Variants in FGF14 observed in about 807,000 individuals in gnomAD.
FGF14 encodes fibroblast growth factor homologous factor 4.
FGF14 carries 5 observed loss-of-function variants against 25.5 expected under a neutral mutation model. The observed-to-expected ratio is 0.20, with a 90% confidence interval of 0.10 to 0.41. The LOEUF (loss-of-function observed/expected upper bound fraction) is 0.41. Ranked by LOEUF, FGF14 falls within the 10% of genes least tolerant of loss-of-function variation. FGF14 has a pLI of 1.00. For missense variants in FGF14, 222 were observed against 320.1 expected (o/e 0.69, Z 2.34); for synonymous variants, 138 against 118.3 (o/e 1.17, Z -1.08).
chr13:102,323,967 G>T (rs927950114), intron 1 of FGF14, among the ~76,000 whole-genome samples: 1 of 138,122 alleles, frequency 7.2e-6, no homozygotes, highest in Non-Finnish European at 1.6e-5. Flanking sequence ...ATGTGTGTGT[G>T]TGTGTGTGTG....
At chr13:102,240,495 A>G (rs1288646484) in intron 1 of FGF14, among the ~76,000 whole-genome samples, 3 of 152,118 alleles carry the variant, frequency 2.0e-5, no homozygotes, top group African/African-American at 7.2e-5. Context: ...AAAATAATAG[A>G]CCAATTTTCT....
At chr13:102,380,134 TA>T (rs1227176061) in intron 1 of FGF14, among the ~76,000 whole-genome samples, 1 of 151,574 alleles carries the variant, frequency 6.6e-6, no homozygotes, top group African/African-American at 2.4e-5. Context: ...AATATTTAGA[TA>T]TAATACAAAG....
At chr13:101,757,561 C>G (rs887904492) in intron 3 of FGF14, among the ~76,000 whole-genome samples, 3 of 152,108 alleles carry the variant, frequency 2.0e-5, no homozygotes, top group African/African-American at 7.2e-5. Context: ...CTTGAGTAAA[C>G]AGTTATACAA....
intron 1 of FGF14, among the ~76,000 whole-genome samples, chr13:102,068,221 C>T (rs1411709013): frequency 1.3e-5 from 2 of 152,322 alleles, no homozygotes; most frequent in African/African-American, 4.8e-5. Flanking sequence ...CTGAAATAAA[C>T]AATCTCATAA....
intron 1 of FGF14, among the ~76,000 whole-genome samples, chr13:101,923,454 TTTTCA>T (rs1194911196): frequency 6.6e-6 from 1 of 152,120 alleles, no homozygotes; most frequent in Non-Finnish European, 1.5e-5. Context: ...TTGATGTCCC[TTTTCA>T]TTTTTTACTC....
At chr13:102,208,857 A>T (rs1182553258) in intron 1 of FGF14, among the ~76,000 whole-genome samples, 1 of 152,214 alleles carries the variant, frequency 6.6e-6, no homozygotes, top group South Asian at 2.1e-4. Context: ...GATATTTCGT[A>T]ACACAAACAA....
At chr13:101,785,187 TTTAA>T (rs889219264) in intron 3 of FGF14, among the ~76,000 whole-genome samples, 1 of 151,988 alleles carries the variant, frequency 6.6e-6, no homozygotes, top group African/African-American at 2.4e-5. Context: ...TATCTTTAGT[TTTAA>T]TATTTTAAAA....
At chr13:102,319,711 A>G (rs1191581585) in intron 1 of FGF14, among the ~76,000 whole-genome samples, 1 of 152,242 alleles carries the variant, frequency 6.6e-6, no homozygotes, top group Non-Finnish European at 1.5e-5. Flanking sequence ...GTGTTCTTCT[A>G]TTAACTCTAA....
At chr13:101,732,313 T>C (rs2035863058) in intron 3 of FGF14, among the ~76,000 whole-genome samples, 2 of 152,302 alleles carry the variant, frequency 1.3e-5, no homozygotes, top group Middle Eastern at 3.4e-3. Flanking sequence ...GGGAAAACTA[T>C]AAAAGGGGCA....
At chr13:102,185,648 C>G (rs1213198185) in intron 1 of FGF14, among the ~76,000 whole-genome samples, 3 of 152,202 alleles carry the variant, frequency 2.0e-5, no homozygotes, top group Admixed American at 2.0e-4. Flanking sequence ...ATTTATCTAT[C>G]AGGAAATTAG....
At chr13:101,795,337 A>T (rs2040460593) in intron 3 of FGF14, among the ~76,000 whole-genome samples, 3 of 152,136 alleles carry the variant, frequency 2.0e-5, no homozygotes, top group Admixed American at 6.6e-5. Context: ...TTAGGACTGC[A>T]TATAAGAAGT....
chr13:102,112,033 G>C (rs2045255007), intron 1 of FGF14, among the ~76,000 whole-genome samples: 1 of 152,136 alleles, frequency 6.6e-6, no homozygotes, highest in Non-Finnish European at 1.5e-5. Flanking sequence ...CTCAAATAAA[G>C]TCTAACATAC....
At chr13:102,155,754 T>C (rs765517045) in intron 1 of FGF14, among the ~76,000 whole-genome samples, 1 of 151,650 alleles carries the variant, frequency 6.6e-6, no homozygotes. Flanking sequence ...ACAAAATTGA[T>C]AGACCACTAG....
Position 101,715,890 on chromosome 13 carries a change from C to A in FGF14, c.*6941G>T. ...CATAATTAACATAAGTGGTTCCTAA[C>A]GAGAGCAATTTTTCCACCCAAAAGT... On this transcript the variant is annotated 3_prime_UTR_variant, in exon 5 of 5. Coordinates refer to ENST00000376143, the MANE Select transcript of FGF14 (RefSeq NM_004115.4). 2.4e-6 allele frequency: 1 copy of A among 415,610 alleles called. No homozygotes were observed. The allele number at this position is 415,610 out of a possible 1,614,324, so 25.7% of individuals were successfully genotyped here. A position where few individuals can be genotyped will look rare whatever the true frequency, so the allele number is the denominator to read the frequency against.
chr13:102,377,207 T>C (rs1359476475), intron 1 of FGF14, among the ~76,000 whole-genome samples: 3 of 152,160 alleles, frequency 2.0e-5, no homozygotes, highest in Admixed American at 6.6e-5. Context: ...CTATTTATAG[T>C]GTTCAGGTGT....
At chr13:102,207,279 C>A (rs562562949) in intron 1 of FGF14, among the ~76,000 whole-genome samples, 3 of 150,412 alleles carry the variant, frequency 2.0e-5, no homozygotes, top group Admixed American at 2.0e-4. Context: ...GACTCCATCT[C>A]GAAAAAATAA....
At chr13:101,915,916 C>T (rs1006066427) in intron 1 of FGF14, among the ~76,000 whole-genome samples, 7 of 152,212 alleles carry the variant, frequency 4.6e-5, no homozygotes. Flanking sequence ...CCATAGTTCA[C>T]ACACCCTCCA....
chr13:102,380,330 T>C (rs1470957709), intron 1 of FGF14, among the ~76,000 whole-genome samples: 2 of 152,116 alleles, frequency 1.3e-5, no homozygotes, highest in Non-Finnish European at 2.9e-5. Context: ...TGCCTCCCTA[T>C]TCAGCTCTAA....
chr13:101,747,944 A>G (rs1307418760), intron 3 of FGF14, among the ~76,000 whole-genome samples: 1 of 152,072 alleles, frequency 6.6e-6, no homozygotes, highest in African/African-American at 2.4e-5. Flanking sequence ...AAGAATAATT[A>G]TCATTATAAA....
Sources: allele counts gnomAD v4.1 joint callset (sites outside exome capture counted in the v4.1 genomes callset), GRCh38; gene constraint gnomAD v4.1.1; transcripts MANE v1.5; gene names NCBI Gene and HGNC (gene_info 2026-07-23, HGNC 2026-07-21).